The following SEMA3D variants were observed in gnomAD, a reference collection of about 807,000 sequenced individuals.
SEMA3D encodes the protein semaphorin-3D.
SEMA3D carries 84 observed loss-of-function variants against 100.1 expected under a neutral mutation model. The observed-to-expected ratio is 0.84, with a 90% CI of 0.70 to 1.01. The LOEUF is 1.01. Ranked by LOEUF, SEMA3D falls within the 50% of genes least tolerant of loss-of-function variation. The pLI, the probability that SEMA3D is intolerant of heterozygous loss-of-function variation, is 0.00. For missense variants in SEMA3D, 875 were observed against 934.1 expected (o/e 0.94, Z 0.82); for synonymous variants, 312 against 320.7 (o/e 0.97, Z 0.29).
intron 3 of SEMA3D, among the ~76,000 whole-genome samples, chr7:85,118,796 T>C (rs1178290660): frequency 6.6e-6 from 1 of 152,204 alleles, no homozygotes; most frequent in Non-Finnish European, 1.5e-5. Context: ...CTTAGTTTAA[T>C]GAGATCCAAT....
At chr7:85,200,156 A>G in the SEMA3D span, among the ~76,000 whole-genome samples, 1 of 152,316 alleles carries the variant, frequency 6.6e-6, no homozygotes, top group African/African-American at 2.4e-5. Context: ...AGTTGCTAAA[A>G]GTAGAGTGGG....
intron 2 of SEMA3D, among the ~76,000 whole-genome samples, chr7:85,123,331 T>A (rs1404829667): frequency 1.3e-5 from 2 of 152,158 alleles, no homozygotes; most frequent in African/African-American, 2.4e-5. Context: ...TGATGATAGA[T>A]TTATTGGTGA....
intron 8 of SEMA3D, among the ~76,000 whole-genome samples, chr7:85,060,299 A>T (rs1288786652): frequency 4.6e-5 from 7 of 152,208 alleles, no homozygotes; most frequent in African/African-American, 1.7e-4. Flanking sequence ...CTTGAGAGTT[A>T]AAAATAAATA....
At chr7:85,223,652 A>G in the SEMA3D span, among the ~76,000 whole-genome samples, 1 of 152,104 alleles carries the variant, frequency 6.6e-6, no homozygotes, top group Non-Finnish European at 1.5e-5. Context: ...TTCTAAATAC[A>G]ATAACTCATA....
At chr7:85,104,677 TA>T (rs1222891394) in intron 3 of SEMA3D, among the ~76,000 whole-genome samples, 7 of 151,924 alleles carry the variant, frequency 4.6e-5, no homozygotes, top group Non-Finnish European at 1.0e-4. Flanking sequence ...ATTTGAGTGT[TA>T]AATGAACAAG....
intron 10 of SEMA3D, 59 bp downstream of exon 10, chr7:85,042,112 C>T (rs1387954959): frequency 9.5e-5 from 110 of 1,157,450 alleles, no homozygotes; most frequent in Non-Finnish European, 1.0e-5. Flanking sequence ...GAAATAAATG[C>T]CAAGTTACTT....
chr7:85,152,349 G>C (rs556106852), intron 2 of SEMA3D, among the ~76,000 whole-genome samples: 1 of 152,038 alleles, frequency 6.6e-6, no homozygotes. Context: ...TTTGATCTCC[G>C]ATCACCAAAT....
At chr7:85,150,992 A>G (rs1474160345) in intron 2 of SEMA3D, among the ~76,000 whole-genome samples, 2 of 152,088 alleles carry the variant, frequency 1.3e-5, no homozygotes, top group Non-Finnish European at 2.9e-5. Flanking sequence ...TAACTCAGTT[A>G]AAAGCTTAAC....
At chr7:85,085,648 G>A (rs917008248) in intron 4 of SEMA3D, among the ~76,000 whole-genome samples, 4 of 152,106 alleles carry the variant, frequency 2.6e-5, no homozygotes, top group East Asian at 1.9e-4. Flanking sequence ...GAGAGTACAC[G>A]GGATGAAATC....
the SEMA3D span, among the ~76,000 whole-genome samples, chr7:85,211,537 T>C: frequency 1.3e-5 from 2 of 152,116 alleles, no homozygotes; most frequent in African/African-American, 4.8e-5. Flanking sequence ...GGGGCATCTA[T>C]AGCAAAATGC....
chr7:85,093,826 G>C (rs1788471403), intron 4 of SEMA3D, among the ~76,000 whole-genome samples: 1 of 152,002 alleles, frequency 6.6e-6, no homozygotes, highest in Non-Finnish European at 1.5e-5. Context: ...AATGTATAAT[G>C]TGGATGAAGG....
chr7:85,162,032 T>G (rs1040179535), intron 1 of SEMA3D, among the ~76,000 whole-genome samples: 1 of 152,138 alleles, frequency 6.6e-6, no homozygotes, highest in African/African-American at 2.4e-5. Flanking sequence ...AGAGTCAATA[T>G]AATAATAATC....
chr7:85,208,952 T>G, the SEMA3D span, among the ~76,000 whole-genome samples: 70 of 152,252 alleles, frequency 4.6e-4, no homozygotes, highest in African/African-American at 1.4e-3. Context: ...ATAAGGCCTG[T>G]GTCCATCCCA....
intron 1 of SEMA3D, among the ~76,000 whole-genome samples, chr7:85,159,453 C>T (rs940641313): frequency 6.6e-6 from 1 of 152,124 alleles, no homozygotes; most frequent in African/African-American, 2.4e-5. Flanking sequence ...TGAACCATTA[C>T]ATTATTTTCC....
At chr7:85,238,877 G>A in the SEMA3D span, among the ~76,000 whole-genome samples, 1 of 151,936 alleles carries the variant, frequency 6.6e-6, no homozygotes, top group African/African-American at 2.4e-5. Flanking sequence ...TCAGAGTTTT[G>A]TAGTTTTTCT....
At chr7:85,056,890 C>CATATATATATAT (rs10525654) in intron 8 of SEMA3D, among the ~76,000 whole-genome samples, 1,777 of 138,460 alleles carry the variant, frequency 0.013, 24 homozygotes, top group East Asian at 0.029. Context: ...ACATATACAG[C>CATATATATATAT]ATATATATAT....
At chr7:85,236,212 G>A in the SEMA3D span, among the ~76,000 whole-genome samples, 2 of 151,750 alleles carry the variant, frequency 1.3e-5, no homozygotes, top group Admixed American at 6.6e-5. Context: ...ACTCCTTTTT[G>A]TAGGTCATTA....
chr7:85,103,672 C>A (rs1217332714), intron 3 of SEMA3D, among the ~76,000 whole-genome samples: 1 of 152,022 alleles, frequency 6.6e-6, no homozygotes, highest in East Asian at 1.9e-4. Flanking sequence ...TCTCCTATTA[C>A]CTTGTTCCCA....
chr7:85,040,532 A>C (rs1790828845), intron 11 of SEMA3D, 141 bp downstream of exon 11: 1 of 592,914 alleles, frequency 1.7e-6, no homozygotes, highest in Non-Finnish European at 3.0e-6. Flanking sequence ...ATTTTTAAGG[A>C]ACACTAAGTG....
Sources: gnomAD v4.1 joint callset for allele counts (sites outside exome capture counted in the v4.1 genomes callset) on GRCh38, gnomAD v4.1.1 for gene constraint, MANE v1.5 for transcripts, NCBI Gene and HGNC (gene_info 2026-07-23, HGNC 2026-07-21) for gene names.